The following TENM2 variants were observed in gnomAD, a reference collection of about 807,000 sequenced individuals.
TENM2 encodes the protein teneurin transmembrane protein 2.
Under a neutral mutation model 245.2 loss-of-function variants are expected in TENM2, and 52 were observed. That is an observed-to-expected ratio of 0.21 (90% CI 0.17 to 0.27). The LOEUF (loss-of-function observed/expected upper bound fraction) is 0.27. TENM2 is among the 10% of genes least tolerant of loss of function. The pLI is 1.00. For synonymous variants in TENM2, 1,363 were observed against 1,438.9 expected (o/e 0.95, Z 1.19); for missense variants, 3,046 against 3,666.8 (o/e 0.83, Z 4.37).
intron 2 of TENM2, among the ~76,000 whole-genome samples, chr5:167,774,214 G>GAGGAAGGAAGGAAGGAAGGAAGGAAGGA (rs200752272): frequency 9.9e-5 from 11 of 111,422 alleles, no homozygotes; most frequent in African/African-American, 3.8e-4. Flanking sequence ...GGGAGGGAGG[G>GAGGAAGGAAGGAAGGAAGGAAGGAAGGA]AGGAAGGAAG....
intron 2 of TENM2, among the ~76,000 whole-genome samples, chr5:167,648,983 A>C (rs1404960666): frequency 6.6e-6 from 1 of 152,160 alleles, no homozygotes; most frequent in African/African-American, 2.4e-5. Flanking sequence ...CTGATGCAGC[A>C]GACTTCTTTT....
chr5:167,846,130 G>C (rs1036162725), intron 2 of TENM2, among the ~76,000 whole-genome samples: 1 of 152,188 alleles, frequency 6.6e-6, no homozygotes, highest in Non-Finnish European at 1.5e-5. Context: ...TTTCATAGTA[G>C]CTACCAGGTT....
chr5:167,494,290 G>A (rs1768639455), intron 2 of TENM2, among the ~76,000 whole-genome samples: 1 of 152,014 alleles, frequency 6.6e-6, no homozygotes, highest in South Asian at 2.1e-4. Context: ...ACAATTAACT[G>A]ATAGAAGAAA....
intron 3 of TENM2, among the ~76,000 whole-genome samples, chr5:167,901,011 A>AT (rs1263240624): frequency 1.4e-5 from 2 of 147,126 alleles, no homozygotes; most frequent in Non-Finnish European, 2.9e-5. Context: ...AATTCCTTGA[A>AT]TTTTTTTTCA....
At chr5:168,065,746 C>A (rs1360053694) in intron 7 of TENM2, among the ~76,000 whole-genome samples, 1 of 151,020 alleles carries the variant, frequency 6.6e-6, no homozygotes, top group Non-Finnish European at 1.5e-5. Context: ...TAATAGAAAG[C>A]AGTCCCCTTT....
the TENM2 span, among the ~76,000 whole-genome samples, chr5:167,086,120 G>A: frequency 1.3e-5 from 2 of 152,118 alleles, no homozygotes; most frequent in African/African-American, 4.8e-5. Context: ...ACCAACCCTG[G>A]CTGCTGTTAC....
intron 2 of TENM2, among the ~76,000 whole-genome samples, chr5:167,471,890 C>G (rs967733326): frequency 6.6e-6 from 1 of 152,200 alleles, no homozygotes; most frequent in East Asian, 1.9e-4. Context: ...TGGATTGAGT[C>G]CTGGCAGTGT....
At chr5:167,564,069 A>G (rs561931156) in intron 2 of TENM2, among the ~76,000 whole-genome samples, 1 of 152,286 alleles carries the variant, frequency 6.6e-6, no homozygotes, top group Non-Finnish European at 1.5e-5. Flanking sequence ...ACAACTTCTG[A>G]CCCTCTTGAA....
intron 12 of TENM2, among the ~76,000 whole-genome samples, chr5:168,159,346 T>C (rs1383666305): frequency 6.6e-6 from 1 of 152,002 alleles, no homozygotes; most frequent in African/African-American, 2.4e-5. Flanking sequence ...ATATTGGTGG[T>C]CTTGGAGACA....
At chr5:167,848,491 A>G (rs1432887447) in intron 2 of TENM2, among the ~76,000 whole-genome samples, 1 of 152,222 alleles carries the variant, frequency 6.6e-6, no homozygotes, top group African/African-American at 2.4e-5. Context: ...CTTCATATAT[A>G]CACACACATA....
intron 2 of TENM2, among the ~76,000 whole-genome samples, chr5:167,598,050 G>C (rs1382155309): frequency 6.6e-6 from 1 of 152,202 alleles, no homozygotes; most frequent in African/African-American, 2.4e-5. Context: ...GAGTCAGAGA[G>C]ATTGGTCCAC....
intron 13 of TENM2, among the ~76,000 whole-genome samples, chr5:168,172,805 T>C (rs1758967599): frequency 1.3e-5 from 2 of 152,172 alleles, no homozygotes; most frequent in Admixed American, 6.5e-5. Flanking sequence ...GCAGCTGGAC[T>C]TTAAATAGCA....
intron 1 of TENM2, among the ~76,000 whole-genome samples, chr5:167,368,342 A>G (rs1293370243): frequency 6.6e-6 from 1 of 152,122 alleles, no homozygotes; most frequent in Non-Finnish European, 1.5e-5. Context: ...ATATATAGTC[A>G]TGTTACAGCA....
the TENM2 span, among the ~76,000 whole-genome samples, chr5:167,157,051 C>G: frequency 6.6e-6 from 1 of 152,104 alleles, no homozygotes; most frequent in Non-Finnish European, 1.5e-5. Context: ...TTCATAATAT[C>G]CCAGCATTTT....
At chr5:168,090,694 G>A (rs756946061) in exon 8 of TENM2, 2 of 1,613,802 alleles carry the variant, frequency 1.2e-6, no homozygotes, top group African/African-American at 2.7e-5. Flanking sequence ...GTACCTGGAT[G>A]TGGGCCTGTG....
chr5:167,229,916 T>C, the TENM2 span, among the ~76,000 whole-genome samples: 1 of 152,152 alleles, frequency 6.6e-6, no homozygotes, highest in Admixed American at 6.5e-5. Flanking sequence ...GGACATTGGG[T>C]TCACTTTTGC....
chr5:167,767,878 G>A (rs1763142257), intron 2 of TENM2, among the ~76,000 whole-genome samples: 1 of 152,136 alleles, frequency 6.6e-6, no homozygotes, highest in African/African-American at 2.4e-5. Context: ...TGATGTCTTG[G>A]TGCATGACAA....
intron 2 of TENM2, among the ~76,000 whole-genome samples, chr5:167,767,998 T>G (rs144211177): frequency 0.014 from 2,105 of 152,308 alleles, 23 homozygotes; most frequent in Non-Finnish European, 0.022. Flanking sequence ...ATATGCTCAG[T>G]GTGAACGTGG....
intron 7 of TENM2, among the ~76,000 whole-genome samples, chr5:168,075,923 A>C (rs574185318): frequency 6.6e-6 from 1 of 152,144 alleles, no homozygotes; most frequent in Non-Finnish European, 1.5e-5. Flanking sequence ...CCTATTCACT[A>C]TCATGAGAAC....
Sources: allele counts gnomAD v4.1 joint callset (sites outside exome capture counted in the v4.1 genomes callset), GRCh38; gene constraint gnomAD v4.1.1; transcripts MANE v1.5; gene names NCBI Gene and HGNC (gene_info 2026-07-23, HGNC 2026-07-21).